FKBP14: variants seen among roughly 807,000 people sequenced by gnomAD.
FKBP14 encodes FKBP prolyl isomerase 14.
In FKBP14, 20 loss-of-function variants were observed where a neutral mutation model predicts 21.6. That is an observed-to-expected ratio of 0.92 (90% CI 0.65 to 1.34). The LOEUF (loss-of-function observed/expected upper bound fraction) is 1.34, where lower values mean the gene tolerates loss of function less well. Among genes scored for constraint, FKBP14 ranks in the 40% most tolerant of loss-of-function variants. FKBP14 has a pLI of 0.00. For synonymous variants in FKBP14, 79 were observed against 86.7 expected (o/e 0.91, Z 0.49); for missense variants, 253 against 249.0 (o/e 1.02, Z -0.11).
chr7:30,016,611 C>G (rs1447198327), intron 3 of FKBP14, among the ~76,000 whole-genome samples: 4 of 152,000 alleles, frequency 2.6e-5, no homozygotes, highest in Non-Finnish European at 5.9e-5. Context: ...CCAGGCTGGC[C>G]TCGAACTCCT....
chr7:30,007,916 G>A (rs1457250479), downstream of FKBP14, among the ~76,000 whole-genome samples: 3 of 152,146 alleles, frequency 2.0e-5, no homozygotes, highest in Non-Finnish European at 2.9e-5. Context: ...GGGCACGCTG[G>A]CATGCACCTT....
intron 2 of FKBP14, among the ~76,000 whole-genome samples, chr7:30,021,722 A>C (rs1204285288): frequency 6.6e-6 from 1 of 152,028 alleles, no homozygotes; most frequent in African/African-American, 2.4e-5. Flanking sequence ...CGTTCAGCTA[A>C]TTTTGTATTT....
downstream of FKBP14, among the ~76,000 whole-genome samples, chr7:30,007,278 C>T (rs1205548924): frequency 4.7e-5 from 7 of 149,094 alleles, no homozygotes; most frequent in South Asian, 2.1e-4. Flanking sequence ...GGTGCGATCT[C>T]GGCTCACTGC....
In FKBP14 at chr7:30,012,487, CTTAATAG is replaced by C. The variant is rs1167331687; in HGVS notation, c.*2241_*2247del. 24 of 152,188 alleles carry C rather than the reference CTTAATAG, an allele frequency of 1.6e-4. No homozygotes were observed. Among genetic ancestry groups the C allele is most frequent in the Non-Finnish European group, 1.0e-4 (7 of 68,046 alleles). The allele number at this position is 152,188 out of a possible 1,614,324, so 9.4% of individuals were successfully genotyped here. A position where few individuals can be genotyped will look rare whatever the true frequency, so the allele number is the denominator to read the frequency against. The stretch of plus-strand genomic sequence containing the variant: ...TTATGGCTTAAAACATTAGCAATGA[CTTAATAG>C]TTTTCAACATACAGCTGATTTTGTT... On this transcript the variant is annotated 3_prime_UTR_variant, in exon 4 of 4. Transcript: ENST00000222803.
At chr7:30,020,384 T>A in intron 2 of FKBP14, 2 of 642,736 alleles carry the variant, frequency 3.1e-6, no homozygotes, top group Non-Finnish European at 4.8e-6. Context: ...CAAATTTAGA[T>A]CTCTACTTAT....
chr7:30,014,733 C>A lies in FKBP14; in HGVS notation c.*2G>T. The A allele has an allele frequency of 6.3e-7, 1 of 1,581,858 alleles. No homozygotes were observed. Among genetic ancestry groups the A allele is most frequent in the South Asian group, 1.2e-5 (1 of 84,720 alleles). On this transcript the variant is annotated 3_prime_UTR_variant, in exon 4 of 4. Coordinates refer to ENST00000222803, the MANE Select transcript of FKBP14 (RefSeq NM_017946.4). ...TGCTATATTAAAAGGGTAGATGTATCTCTATAACTCATCGTGTTTATATGT... is the reference window on the plus strand; with the variant it reads ...TGCTATATTAAAAGGGTAGATGTATATCTATAACTCATCGTGTTTATATGT...
Position 30,026,652 on chromosome 7 carries a change from A to G in FKBP14, c.-144T>C. ...CCTTCTTAGAAGACGTGGCACATTTACCACCAACTCTTTTCTCAAGGGTCA... is the reference window on the plus strand; with the variant it reads ...CCTTCTTAGAAGACGTGGCACATTTGCCACCAACTCTTTTCTCAAGGGTCA... On this transcript the variant is annotated 5_prime_UTR_variant, in exon 1 of 4. Transcript: ENST00000222803. 3.0e-6 allele frequency: 2 copies of G among 670,162 alleles called. No homozygotes were observed. The highest frequency in any genetic ancestry group is 2.3e-5 in the South Asian group (1 of 44,310). 41.5% of individuals were successfully genotyped at this position (670,162 alleles called of 1,614,324 possible).
chr7:30,025,740 T>A (rs1790156567), intron 1 of FKBP14: 1 of 152,244 alleles, frequency 6.6e-6, no homozygotes, highest in Non-Finnish European at 1.5e-5. Context: ...ACCTCATCAA[T>A]GAAGTCTGAC....
In FKBP14 at chr7:30,014,535, A is replaced by G. The variant is rs1789827711; in HGVS notation, c.*200T>C. ...CCAGAAGTCTTCTATTCAAAGACCA[A>G]TTAGCTTTTTCTTCCCAATAACTTA... On this transcript the variant is annotated 3_prime_UTR_variant, in exon 4 of 4. Coordinates refer to ENST00000222803, the MANE Select transcript of FKBP14 (RefSeq NM_017946.4). 1 of 348,888 alleles carries G rather than the reference A, an allele frequency of 2.9e-6. No homozygotes were observed. Among genetic ancestry groups the G allele is most frequent in the African/African-American group, 2.1e-5 (1 of 47,612 alleles). The allele number at this position is 348,888 out of a possible 1,614,324, so 21.6% of individuals were successfully genotyped here. A position where few individuals can be genotyped will look rare whatever the true frequency, so the allele number is the denominator to read the frequency against.
downstream of FKBP14, chr7:30,010,571 T>A (rs1009100985): frequency 2.6e-5 from 4 of 152,228 alleles, no homozygotes; most frequent in Non-Finnish European, 4.4e-5. Context: ...TGTTGAAGAA[T>A]TTTTCACAAA....
In FKBP14 at chr7:30,011,192, C is replaced by T. The variant is rs1421083855; in HGVS notation, c.*3543G>A. 1 of 151,908 alleles carries T rather than the reference C, an allele frequency of 6.6e-6. No homozygotes were observed. The highest frequency in any genetic ancestry group is 6.6e-5 in the Admixed American group (1 of 15,240). The allele number at this position is 151,908 out of a possible 1,614,324, so 9.4% of individuals were successfully genotyped here. ...ATTAGCTGGGACTACACGCATGTGC[C>T]ACCACACCTGGCTAATTATCGTATT... On this transcript the variant is annotated 3_prime_UTR_variant, in exon 4 of 4. Coordinates refer to ENST00000222803, the MANE Select transcript of FKBP14 (RefSeq NM_017946.4).
intron 3 of FKBP14, among the ~76,000 whole-genome samples, chr7:30,018,650 C>T (rs1241291921): frequency 6.6e-6 from 1 of 152,222 alleles, no homozygotes; most frequent in Non-Finnish European, 1.5e-5. Flanking sequence ...GCTTCTTATA[C>T]AGTAACTCCA....
chr7:30,006,299 A>C (rs1404253580), downstream of FKBP14, among the ~76,000 whole-genome samples: 2 of 151,602 alleles, frequency 1.3e-5, no homozygotes, highest in Non-Finnish European at 2.9e-5. Flanking sequence ...TTTTTTAAAT[A>C]ATTTTTTTGT....
intron 1 of FKBP14, among the ~76,000 whole-genome samples, chr7:30,023,945 C>G (rs1307158665): frequency 6.6e-6 from 1 of 152,100 alleles, no homozygotes; most frequent in African/African-American, 2.4e-5. Flanking sequence ...TAGCGGAACC[C>G]TATCAACTGG....
chr7:30,024,987 G>C (rs747673457), intron 1 of FKBP14, among the ~76,000 whole-genome samples: 1 of 152,150 alleles, frequency 6.6e-6, no homozygotes. Context: ...CAAGAAGAAA[G>C]GGCTGTTGAG....
intron 1 of FKBP14, among the ~76,000 whole-genome samples, chr7:30,024,515 C>T (rs1224286382): frequency 6.6e-6 from 1 of 152,210 alleles, no homozygotes; most frequent in Non-Finnish European, 1.5e-5. Context: ...ATTCTCCTGC[C>T]TCAGCCTCCT....
At position 30,026,294 on chromosome 7, in the gene FKBP14, C is replaced by T; in HGVS notation, c.197+18G>A. 6.3e-7 allele frequency: 1 copy of T among 1,582,654 alleles called. No individual in the cohort carries two copies. The highest frequency in any genetic ancestry group is 1.1e-5 in the South Asian group (1 of 88,300). Reference sequence around the variant, plus strand: ...GGATTCTTAATTACTATTTTACCTGCGGGGCATAATTACTTACGTGGAGTG... The same window carrying T: ...GGATTCTTAATTACTATTTTACCTGTGGGGCATAATTACTTACGTGGAGTG... On this transcript the variant is annotated intron_variant, in intron 1 of 3. Coordinates refer to ENST00000222803, the MANE Select transcript of FKBP14 (RefSeq NM_017946.4).
downstream of FKBP14, chr7:30,008,317 G>A (rs1018871125): frequency 4.6e-5 from 7 of 152,212 alleles, no homozygotes; most frequent in Admixed American, 3.3e-4. Context: ...AAAGGTAAAG[G>A]AGACCAAAAC....
At chr7:30,015,463 T>C (rs1022319273) in intron 3 of FKBP14, among the ~76,000 whole-genome samples, 3 of 150,656 alleles carry the variant, frequency 2.0e-5, no homozygotes, top group African/African-American at 7.3e-5. Flanking sequence ...TATATATAGC[T>C]CTCTCTATAT....
Sources: gnomAD v4.1 joint callset for allele counts (sites outside exome capture counted in the v4.1 genomes callset) on GRCh38, gnomAD v4.1.1 for gene constraint, MANE v1.5 for transcripts, NCBI Gene and HGNC (gene_info 2026-07-23, HGNC 2026-07-21) for gene names.